The following SLC10A7 variants were observed in gnomAD, a reference collection of about 807,000 sequenced individuals.
SLC10A7 encodes the protein sodium/bile acid cotransporter 7.
In SLC10A7, 29 loss-of-function variants were observed where a neutral mutation model predicts 43.2. The ratio of observed to expected loss-of-function variants is 0.67; its 90% CI spans 0.50 to 0.92. The LOEUF is 0.92. Ranked by LOEUF, SLC10A7 falls within the 40% of genes least tolerant of loss-of-function variation. The probability of loss-of-function intolerance (pLI) is 0.00; values close to 1 mark genes in which losing one functional copy is unlikely to be tolerated. For synonymous variants in SLC10A7, 152 were observed against 144.8 expected, an observed-to-expected ratio of 1.05 and a Z score of -0.35; for missense variants, 295 against 403.2, an observed-to-expected ratio of 0.73 and a Z score of 2.30.
intron 10 of SLC10A7, among the ~76,000 whole-genome samples, chr4:146,280,726 C>T (rs79833685): frequency 0.025 from 3,811 of 152,166 alleles, 76 homozygotes; most frequent in South Asian, 0.067. Context: ...ACATCCCTTG[C>T]TGTATGGGGG....
At chr4:146,271,654 T>G (rs980295064) in intron 10 of SLC10A7, among the ~76,000 whole-genome samples, 8 of 152,188 alleles carry the variant, frequency 5.3e-5, no homozygotes, top group African/African-American at 1.9e-4. Context: ...CCTCTCATTC[T>G]GAGTAAGAGG....
chr4:146,389,163 G>C (rs1433528532), intron 5 of SLC10A7, among the ~76,000 whole-genome samples: 1 of 152,116 alleles, frequency 6.6e-6, no homozygotes, highest in African/African-American at 2.4e-5. Context: ...GACTCCAAAA[G>C]GTAGAAGAGT....
intron 6 of SLC10A7, among the ~76,000 whole-genome samples, chr4:146,325,579 T>C (rs1049428500): frequency 1.3e-5 from 2 of 152,204 alleles, no homozygotes; most frequent in Non-Finnish European, 2.9e-5. Flanking sequence ...GAACCCAAGC[T>C]TCCTCTGATC....
chr4:146,520,004 C>G (rs1193745869), intron 1 of SLC10A7, among the ~76,000 whole-genome samples: 1 of 152,168 alleles, frequency 6.6e-6, no homozygotes, highest in Admixed American at 6.5e-5. Flanking sequence ...GAATCTATCT[C>G]ATACATGCCA....
chr4:146,299,878 G>A (rs1731044771), intron 7 of SLC10A7, among the ~76,000 whole-genome samples: 1 of 152,160 alleles, frequency 6.6e-6, no homozygotes, highest in South Asian at 2.1e-4. Flanking sequence ...GCGGGGTTGG[G>A]CCTTTGTGAA....
intron 9 of SLC10A7, among the ~76,000 whole-genome samples, chr4:146,284,398 C>T (rs1243840917): frequency 1.3e-5 from 2 of 152,158 alleles, no homozygotes; most frequent in Non-Finnish European, 2.9e-5. Flanking sequence ...ATAGATCCCA[C>T]ATCCTGTTTT....
intron 5 of SLC10A7, among the ~76,000 whole-genome samples, chr4:146,360,910 C>A (rs937536772): frequency 2.0e-5 from 3 of 152,016 alleles, no homozygotes; most frequent in African/African-American, 4.8e-5. Flanking sequence ...ATTAGGTCAC[C>A]CCCCGGCTCA....
chr4:146,521,392 T>C (rs887376022), intron 1 of SLC10A7, among the ~76,000 whole-genome samples: 4 of 152,182 alleles, frequency 2.6e-5, no homozygotes, highest in Non-Finnish European at 5.9e-5. Context: ...TAGTCATTGT[T>C]TGTCTACGGA....
rs183589872 is a variant in SLC10A7 at position 146,289,179 on chromosome 4, G to A, written c.773+3750C>T. On this transcript the variant is annotated intron_variant, in intron 9 of 11. Coordinates refer to ENST00000335472, the MANE Select transcript of SLC10A7 (RefSeq NM_001029998.6). ...GGTGGCACTGAACAAGCTACCCAGG[G>A]TGCCAAGGCTTAGTTGCCTCCTCTG... 2.0e-5 allele frequency among the ~76,000 whole-genome samples: 3 copies of A among 152,286 alleles called. No individual in the cohort carries two copies. In the East Asian group the frequency reaches 5.8e-4, roughly 29 times the overall value.
intron 5 of SLC10A7, among the ~76,000 whole-genome samples, chr4:146,328,865 G>A (rs959461499): frequency 2.0e-5 from 3 of 152,122 alleles, no homozygotes; most frequent in African/African-American, 7.2e-5. Context: ...AGAAGCAACT[G>A]TTATGCTAGA....
At chr4:146,396,948 C>T (rs1738873540) in intron 5 of SLC10A7, among the ~76,000 whole-genome samples, 1 of 152,166 alleles carries the variant, frequency 6.6e-6, no homozygotes, top group African/African-American at 2.4e-5. Flanking sequence ...GTCAAACACT[C>T]TGTTAACTGA....
At chr4:146,399,520 C>A (rs1225140099) in intron 5 of SLC10A7, among the ~76,000 whole-genome samples, 1 of 103,728 alleles carries the variant, frequency 9.6e-6, no homozygotes, top group African/African-American at 3.2e-5. Flanking sequence ...GGAATAATTA[C>A]AGCACAACAG....
intron 5 of SLC10A7, among the ~76,000 whole-genome samples, chr4:146,391,189 GC>G (rs1738401308): frequency 6.6e-6 from 1 of 152,048 alleles, no homozygotes; most frequent in South Asian, 2.1e-4. Flanking sequence ...AAAACAATCA[GC>G]AATTTTCTTT....
chr4:146,515,124 G>A (rs1560986342), intron 2 of SLC10A7: 1 of 702,318 alleles, frequency 1.4e-6, no homozygotes, highest in East Asian at 2.7e-5. Context: ...AAAGTTGGCT[G>A]CTTCGCAGAA....
intron 5 of SLC10A7, among the ~76,000 whole-genome samples, chr4:146,326,991 G>C (rs1285818135): frequency 3.3e-5 from 5 of 151,822 alleles, no homozygotes; most frequent in Admixed American, 2.6e-4. Flanking sequence ...GAGAGAGAGA[G>C]AGAGACAGAT....
chr4:146,518,923 C>G (rs982393411), intron 1 of SLC10A7, among the ~76,000 whole-genome samples: 1 of 150,868 alleles, frequency 6.6e-6, no homozygotes, highest in Non-Finnish European at 1.5e-5. Flanking sequence ...CCACCTGGTT[C>G]ATGGTAATTT....
In SLC10A7 at chr4:146,256,126, G is replaced by C. The variant is rs1158130593; in HGVS notation, c.*365C>G. 1 of 204,036 alleles carries C rather than the reference G, an allele frequency of 4.9e-6. No individual in the cohort carries two copies. Among genetic ancestry groups the C allele is most frequent in the African/African-American group, 2.3e-5 (1 of 42,764 alleles). The allele number at this position is 204,036 out of a possible 1,614,324, so 12.6% of individuals were successfully genotyped here. ...TTGGAAATTTTCACTGTCATCAGAA[G>C]GGCATTTTCCTGATGGTGTGACCTC... On this transcript the variant is annotated 3_prime_UTR_variant, in exon 12 of 12. Coordinates refer to ENST00000335472, the MANE Select transcript of SLC10A7 (RefSeq NM_001029998.6).
At chr4:146,308,709 T>C (rs1208691198) in intron 6 of SLC10A7, among the ~76,000 whole-genome samples, 11 of 152,144 alleles carry the variant, frequency 7.2e-5, no homozygotes, top group Admixed American at 6.6e-4. Flanking sequence ...AGAAGTAATA[T>C]GTCTCATACT....
At chr4:146,434,118 T>G (rs1183397153) in intron 5 of SLC10A7, among the ~76,000 whole-genome samples, 1 of 152,058 alleles carries the variant, frequency 6.6e-6, no homozygotes, top group Non-Finnish European at 1.5e-5. Context: ...GAAATAAGAA[T>G]ATGAGAAAAT....
Sources: gnomAD v4.1 joint callset for allele counts (sites outside exome capture counted in the v4.1 genomes callset) on GRCh38, gnomAD v4.1.1 for gene constraint, MANE v1.5 for transcripts, NCBI Gene and HGNC (gene_info 2026-07-23, HGNC 2026-07-21) for gene names.